Variants in AOPEP observed in about 807,000 individuals in gnomAD.
AOPEP encodes aminopeptidase O.
A neutral mutation model predicts 98.1 loss-of-function variants in AOPEP; 77 were observed. The ratio of observed to expected loss-of-function variants is 0.78; its 90% CI spans 0.65 to 0.95. The LOEUF is 0.95. Among genes scored for constraint, AOPEP ranks in the 40% least tolerant of loss-of-function variants. The probability of loss-of-function intolerance (pLI) is 0.00; values close to 1 mark genes in which losing one functional copy is unlikely to be tolerated. For missense variants in AOPEP, 1,024 were observed against 1,024.7 expected (o/e 1.00, Z 0.01); for synonymous variants, 346 against 365.3 (o/e 0.95, Z 0.60).
chr9:95,114,294 G>T, the AOPEP span: 1 of 370,064 alleles, frequency 2.7e-6, no homozygotes, highest in Admixed American at 3.7e-5. Flanking sequence ...CCAGGGAGGG[G>T]TTCCCAGCAG....
rs1843944253 is a variant in AOPEP, at chr9:94,784,399, G to T, written c.965-8366G>T. On this transcript the variant is annotated intron_variant, in intron 3 of 16. Coordinates refer to ENST00000375315, the MANE Select transcript of AOPEP (RefSeq NM_001193329.3). Reference sequence around the variant, plus strand: ...ATTATCTCAGCTAAGTTTCTCACAGGTTTAGTATAAAAAGTTCTCTCTCCT... The same window carrying T: ...ATTATCTCAGCTAAGTTTCTCACAGTTTTAGTATAAAAAGTTCTCTCTCCT... Among the ~76,000 whole-genome samples the T allele has an allele frequency of 2.6e-5, 4 of 151,994 alleles. No individual in the cohort carries two copies. The South Asian group carries it at 8.3e-4, about 32-fold the overall frequency.
Position 95,000,028 on chromosome 9 carries a change from C to T in AOPEP, c.1978-5130C>T, listed in dbSNP as rs553900440. Among the ~76,000 whole-genome samples the T allele has an allele frequency of 3.3e-5, 5 of 152,226 alleles. No individual in the cohort carries two copies. In the East Asian group the frequency reaches 9.6e-4, roughly 29 times the overall value. ...CTGCAGAACCATAGCCTCAGCAATC[C>T]ACTACGCCAAGCATGAAACTGACTT... On this transcript the variant is annotated intron_variant, in intron 11 of 16. Coordinates refer to ENST00000375315, the MANE Select transcript of AOPEP (RefSeq NM_001193329.3).
At chr9:95,031,731 A>G (rs2064321787) in intron 13 of AOPEP, among the ~76,000 whole-genome samples, 1 of 152,186 alleles carries the variant, frequency 6.6e-6, no homozygotes, top group Admixed American at 6.5e-5. Context: ...ATTAAAACAT[A>G]AGCTCCCTAA....
At chr9:95,096,326 G>A in the AOPEP span, among the ~76,000 whole-genome samples, 3 of 152,292 alleles carry the variant, frequency 2.0e-5, no homozygotes, top group East Asian at 3.9e-4. Context: ...GCTCCCCGAC[G>A]GGCTGGATGT....
the AOPEP span, chr9:95,101,602 C>T: frequency 3.8e-5 from 52 of 1,382,606 alleles, no homozygotes; most frequent in East Asian, 3.8e-4. Context: ...CACAGCCCAG[C>T]GAGGGCACTT....
the AOPEP span, among the ~76,000 whole-genome samples, chr9:95,132,715 T>TAGA: frequency 0.011 from 1,602 of 152,316 alleles, 16 homozygotes; most frequent in Non-Finnish European, 0.018. Flanking sequence ...CATTTGGAAC[T>TAGA]CAGGTAATAA....
rs1217381150 is a variant in AOPEP at position 95,082,616 on chromosome 9, G to C, written c.2361G>C (p.Glu787Asp). ...TCTACGGGGAGCTGATGGTGAGTGAGGACGCCAGACAGCAGCAGCTCGCCC... is the reference window on the plus strand; with the variant it reads ...TCTACGGGGAGCTGATGGTGAGTGACGACGCCAGACAGCAGCAGCTCGCCC... ...VYLYGELMVS[E>D]DARQQQLARR... is the part of the protein sequence containing the mutation. Residue 787 changes from glutamate to aspartate, a missense_variant, in exon 16 of 17, where the codon GAG becomes GAC. By Grantham distance (45) the Glu-to-Asp change is conservative (BLOSUM62 2). Around this residue, in one of 3 missense-constraint regions of AOPEP, gnomAD observed 566 missense variants for 551.7 expected, o/e 1.03. Coordinates refer to ENST00000375315, the MANE Select transcript of AOPEP (RefSeq NM_001193329.3). 6.2e-7 allele frequency: 1 copy of C among 1,614,240 alleles called. No individual in the cohort carries two copies. The highest frequency in any genetic ancestry group is 1.3e-5 in the African/African-American group (1 of 75,066).
intron 5 of AOPEP, among the ~76,000 whole-genome samples, 169 bp downstream of exon 5, chr9:94,801,171 A>C (rs1848142157): frequency 6.6e-6 from 1 of 151,908 alleles, no homozygotes; most frequent in Admixed American, 6.6e-5. Flanking sequence ...TTTAATGCAG[A>C]CTCCCTCATG....
chr9:95,087,947 C>T (rs558825697), downstream of AOPEP, among the ~76,000 whole-genome samples: 2 of 152,296 alleles, frequency 1.3e-5, no homozygotes, highest in South Asian at 4.2e-4. Context: ...TGGGGCTCTA[C>T]CATGGATCTC....
At chr9:95,041,776 C>T (rs1477937770) in intron 13 of AOPEP, among the ~76,000 whole-genome samples, 1 of 152,060 alleles carries the variant, frequency 6.6e-6, no homozygotes, top group Non-Finnish European at 1.5e-5. Context: ...CACGCTTTGC[C>T]TCGGCCTCCG....
the AOPEP span, chr9:95,145,221 G>A: frequency 6.6e-6 from 1 of 152,094 alleles, no homozygotes; most frequent in Non-Finnish European, 1.5e-5. Context: ...TTTTCCAAAC[G>A]CAACAAACAA....
chr9:94,992,559 A>G (rs72750370), intron 11 of AOPEP, among the ~76,000 whole-genome samples: 19,895 of 152,152 alleles, frequency 0.13, 3,346 homozygotes, highest in African/African-American at 0.39. Context: ...GTTCTTTATT[A>G]TGAAGTTTTG....
At chr9:94,995,788 G>T (rs751804120) in intron 11 of AOPEP, among the ~76,000 whole-genome samples, 14 of 152,170 alleles carry the variant, frequency 9.2e-5, no homozygotes, top group Admixed American at 2.6e-4. Context: ...TGGGTGGTAG[G>T]TTCTTAAATC....
At chr9:95,111,255 CGTCTCT>C in the AOPEP span, 1 of 1,542,592 alleles carries the variant, frequency 6.5e-7, no homozygotes, top group Non-Finnish European at 8.7e-7. Flanking sequence ...GGCAGCGTCT[CGTCTCT>C]GGCCACCTCG....
chr9:94,794,150 T>C (rs1022989591), intron 4 of AOPEP, among the ~76,000 whole-genome samples: 1 of 152,236 alleles, frequency 6.6e-6, no homozygotes, highest in African/African-American at 2.4e-5. Context: ...TTTGAGGCTT[T>C]AAAAAATTAC....
chr9:95,027,580 GAC>G (rs1382067488), intron 13 of AOPEP, among the ~76,000 whole-genome samples: 9 of 152,090 alleles, frequency 5.9e-5, no homozygotes, highest in South Asian at 2.1e-4. Context: ...ATATAGAAAA[GAC>G]ACACATGTGT....
chr9:95,080,662 G>A (rs1487149084), intron 14 of AOPEP, 32 bp from the exon 15 acceptor site: 6 of 1,567,440 alleles, frequency 3.8e-6, no homozygotes, highest in Non-Finnish European at 5.3e-6. Flanking sequence ...CTGCCTGCTT[G>A]TCGCTCACTG....
At chr9:95,149,869 C>A in the AOPEP span, 9 of 1,547,382 alleles carry the variant, frequency 5.8e-6, no homozygotes, top group Non-Finnish European at 7.0e-6. Context: ...CACACCACAG[C>A]CTTCTAAGAA....
At chr9:94,832,432 A>G (rs1856188127) in intron 5 of AOPEP, among the ~76,000 whole-genome samples, 1 of 152,220 alleles carries the variant, frequency 6.6e-6, no homozygotes, top group Non-Finnish European at 1.5e-5. Flanking sequence ...TTGGAGTTGC[A>G]GGGGAAGCGT....
Sources: gnomAD v4.1 joint callset for allele counts (sites outside exome capture counted in the v4.1 genomes callset) on GRCh38, gnomAD v4.1.1 for gene constraint, gnomAD v4.1.1 regional missense constraint, MANE v1.5 for transcripts, NCBI Gene and HGNC (gene_info 2026-07-23, HGNC 2026-07-21) for gene names.